Variants in AGAP1 observed in about 807,000 individuals in gnomAD.
AGAP1 encodes the protein ArfGAP with GTPase domain, ankyrin repeat and PH domain 1.
In AGAP1, 29 loss-of-function variants were observed where a neutral mutation model predicts 105.3. The ratio of observed to expected loss-of-function variants is 0.28; its 90% CI spans 0.21 to 0.38. The LOEUF (loss-of-function observed/expected upper bound fraction) is 0.38. AGAP1 is among the 10% of genes least tolerant of loss of function. AGAP1 has a pLI of 1.00. For missense variants in AGAP1, 998 were observed against 1,165.1 expected (o/e 0.86, Z 2.09); for synonymous variants, 509 against 485.9 (o/e 1.05, Z -0.63).
chr2:235,577,960 A>T lies in AGAP1; in HGVS notation c.163+83111A>T, dbSNP rs1198713692. On this transcript the variant is annotated intron_variant, in intron 1 of 17. Coordinates refer to ENST00000304032, the MANE Select transcript of AGAP1 (RefSeq NM_001037131.3). The surrounding 1 kb of genome is among the most constrained non-coding windows in gnomAD (Gnocchi z 4.5). ...ATGCAGACAAGGGAGCAGTGTCTGC[A>T]CAGGGGGTCTGGATCGCACCCGACA... Among the ~76,000 whole-genome samples, 1 of 152,028 alleles carries T rather than the reference A, an allele frequency of 6.6e-6. No individual in the cohort carries two copies. Among genetic ancestry groups the T allele is most frequent in the Non-Finnish European group, 1.5e-5 (1 of 68,012 alleles).
chr2:236,115,095 C>T (rs893759011), intron 16 of AGAP1, among the ~76,000 whole-genome samples: 1 of 152,256 alleles, frequency 6.6e-6, no homozygotes, highest in African/African-American at 2.4e-5. Flanking sequence ...TTAGAAGCCT[C>T]CCGTGCCCAG....
chr2:235,573,466 A>G (rs2149170920), intron 1 of AGAP1, among the ~76,000 whole-genome samples: 1 of 152,298 alleles, frequency 6.6e-6, no homozygotes, highest in Non-Finnish European at 1.5e-5. Context: ...TTACCAAAAC[A>G]TTCAACTTAA....
chr2:235,794,033 G>A (rs1429622314), intron 6 of AGAP1, among the ~76,000 whole-genome samples: 2 of 152,092 alleles, frequency 1.3e-5, no homozygotes, highest in African/African-American at 4.8e-5. Context: ...CTCAGGTCAA[G>A]GAGGGCCTAT....
chr2:236,060,558 C>T (rs2058162160), intron 16 of AGAP1, among the ~76,000 whole-genome samples: 1 of 151,994 alleles, frequency 6.6e-6, no homozygotes, highest in South Asian at 2.1e-4. Context: ...GGTATGGTGA[C>T]GTGCACCTGT....
At chr2:236,007,268 G>C (rs1228999807) in intron 13 of AGAP1, among the ~76,000 whole-genome samples, 1 of 152,212 alleles carries the variant, frequency 6.6e-6, no homozygotes, top group East Asian at 1.9e-4. Flanking sequence ...TCCTTAAATG[G>C]AAAAGCTAAA....
intron 1 of AGAP1, among the ~76,000 whole-genome samples, chr2:235,678,445 A>G (rs1002703521): frequency 1.3e-5 from 2 of 152,140 alleles, no homozygotes; most frequent in African/African-American, 4.8e-5. Context: ...TTAGGAAGTA[A>G]TTTCTCACAA....
rs746768901 is a variant in AGAP1 at position 235,883,469 on chromosome 2, A to C, written c.1155+20A>C. The C allele has an allele frequency of 6.3e-7, 1 of 1,589,708 alleles. No homozygotes were observed. Among genetic ancestry groups the C allele is most frequent in the East Asian group, 2.2e-5 (1 of 44,656 alleles). On this transcript the variant is annotated intron_variant, in intron 10 of 17. Coordinates refer to ENST00000304032, the MANE Select transcript of AGAP1 (RefSeq NM_001037131.3). The surrounding 1 kb of genome is among the most constrained non-coding windows in gnomAD (Gnocchi z 4.5). ...TTACATGTGAGTATAGCCCCCTCGG[A>C]GCAATTAACAGCTGCAGACCTCAAC...
At position 235,623,239 on chromosome 2, in the gene AGAP1, G is replaced by A. The variant is rs1014173023; in HGVS notation, c.164-85940G>A. On this transcript the variant is annotated intron_variant, in intron 1 of 17. Transcript: ENST00000304032. This position sits in a 1 kb window ranked among gnomAD's most constrained non-coding sequence, Gnocchi z 4.5. The stretch of plus-strand genomic sequence containing the variant: ...GATGGACTGTTTTGGAGATTTATGC[G>A]TGTTCTGCAGGCTGACCTCTGCTTG... 1.3e-4 allele frequency among the ~76,000 whole-genome samples: 20 copies of A among 152,332 alleles called. No individual in the cohort carries two copies. Among genetic ancestry groups the A allele is most frequent in the South Asian group, 4.1e-4 (2 of 4,832 alleles).
chr2:235,744,988 C>G lies in AGAP1; in HGVS notation c.538+149C>G, dbSNP rs1171145974. On this transcript the variant is annotated intron_variant, in intron 5 of 17. Transcript: ENST00000304032. This position sits in a 1 kb window ranked among gnomAD's most constrained non-coding sequence, Gnocchi z 5.2. ...GGAAAAATTATGGAACTGAAATGAT[C>G]ACATTTCCTGATTTGATTCTATGGT... is the stretch of plus-strand genomic sequence containing the variant. 2.1e-6 allele frequency: 2 copies of G among 933,110 alleles called. No homozygotes were observed. The highest frequency in any genetic ancestry group is 2.2e-4 in the Middle Eastern group (1 of 4,484). The allele number at this position is 933,110 out of a possible 1,614,324, so 57.8% of individuals were successfully genotyped here. A position where few individuals can be genotyped will look rare whatever the true frequency, so the allele number is the denominator to read the frequency against.
chr2:235,797,566 G>A (rs908847075), intron 6 of AGAP1, among the ~76,000 whole-genome samples, 193 bp from the exon 7 acceptor site: 17 of 151,678 alleles, frequency 1.1e-4, no homozygotes, highest in Admixed American at 6.6e-5. Context: ...TGATGCGGGG[G>A]TGGGGGGACG....
Position 235,979,060 on chromosome 2 carries a change from C to T in AGAP1, c.1645+10437C>T, listed in dbSNP as rs1458363721. Among the ~76,000 whole-genome samples the T allele has an allele frequency of 6.6e-6, 1 of 150,982 alleles. No homozygotes were observed. Among genetic ancestry groups the T allele is most frequent in the South Asian group, 2.1e-4 (1 of 4,792 alleles). ...TTCAGATGCAGTGAACCCAGTTTTTCTGTTCATTTTAAGATTGATATGCTT... is the reference window on the plus strand; with the variant it reads ...TTCAGATGCAGTGAACCCAGTTTTTTTGTTCATTTTAAGATTGATATGCTT... On this transcript the variant is annotated intron_variant, in intron 13 of 17. Coordinates refer to ENST00000304032, the MANE Select transcript of AGAP1 (RefSeq NM_001037131.3). The surrounding 1 kb of genome is among the most constrained non-coding windows in gnomAD (Gnocchi z 4.5).
intron 1 of AGAP1, among the ~76,000 whole-genome samples, chr2:235,584,428 G>T (rs1334630876): frequency 6.7e-6 from 1 of 149,282 alleles, no homozygotes; most frequent in Non-Finnish European, 1.5e-5. Flanking sequence ...GCCATACTTG[G>T]AGATGGTCTT....
rs564701084 is a variant in AGAP1, at chr2:235,904,307, T to G, written c.1156-4431T>G. Among the ~76,000 whole-genome samples, 33 of 152,288 alleles carry G rather than the reference T, an allele frequency of 2.2e-4. No homozygotes were observed. In the East Asian group the frequency reaches 3.7e-3, roughly 17 times the overall value. On this transcript the variant is annotated intron_variant, in intron 10 of 17. Coordinates refer to ENST00000304032, the MANE Select transcript of AGAP1 (RefSeq NM_001037131.3). The surrounding 1 kb of genome is among the most constrained non-coding windows in gnomAD (Gnocchi z 4.2). ...CACAGTTACCGAGCAATTGGCGGGT[T>G]CGGAAACAGGTCCCTTTGCTCTGGC...
At chr2:235,846,181 G>T (rs1402134193) in intron 9 of AGAP1, among the ~76,000 whole-genome samples, 1 of 152,034 alleles carries the variant, frequency 6.6e-6, no homozygotes, top group African/African-American at 2.4e-5. Context: ...TGGAAATTTC[G>T]ATCTAGGACT....
At chr2:235,834,264 C>T (rs1041441291) in intron 9 of AGAP1, among the ~76,000 whole-genome samples, 3 of 152,232 alleles carry the variant, frequency 2.0e-5, no homozygotes, top group Admixed American at 2.0e-4. Context: ...GTTTGTGTCT[C>T]TGCATGTTCT....
In AGAP1 at chr2:235,906,468, T is replaced by G. The variant is rs1191128850; in HGVS notation, c.1156-2270T>G. ...AAACATCTTGTCCCTCTGGGGCTGA[T>G]GTAGGGGAGCCTGCTGGGGTTCTGT... On this transcript the variant is annotated intron_variant, in intron 10 of 17. Coordinates refer to ENST00000304032, the MANE Select transcript of AGAP1 (RefSeq NM_001037131.3). This position sits in a 1 kb window ranked among gnomAD's most constrained non-coding sequence, Gnocchi z 5.3. Among the ~76,000 whole-genome samples, 2 of 152,166 alleles carry G rather than the reference T, an allele frequency of 1.3e-5. No individual in the cohort carries two copies.
intron 6 of AGAP1, among the ~76,000 whole-genome samples, chr2:235,767,795 T>TTTTTTTTTTTTC: frequency 7.0e-6 from 1 of 143,136 alleles, no homozygotes; most frequent in Non-Finnish European, 1.5e-5. Context: ...TTTTTTTTTT[T>TTTTTTTTTTTTC]TTTTTTTGAG....
At chr2:235,876,520 G>A (rs935493661) in intron 9 of AGAP1, among the ~76,000 whole-genome samples, 6 of 152,136 alleles carry the variant, frequency 3.9e-5, no homozygotes, top group Admixed American at 1.3e-4. Flanking sequence ...GAACCTCAAC[G>A]GCTGGCCTGG....
intron 1 of AGAP1, among the ~76,000 whole-genome samples, chr2:235,688,704 C>T (rs1949590167): frequency 6.6e-6 from 1 of 152,150 alleles, no homozygotes; most frequent in Non-Finnish European, 1.5e-5. Context: ...AGGGAGTCAC[C>T]GCTGCTGAAA....
Sources: allele counts gnomAD v4.1 joint callset (sites outside exome capture counted in the v4.1 genomes callset), GRCh38; gene constraint gnomAD v4.1.1; non-coding constraint Gnocchi (gnomAD v3.1); transcripts MANE v1.5; gene names NCBI Gene and HGNC (gene_info 2026-07-23, HGNC 2026-07-21).